Variants in CSMD2 observed in about 807,000 individuals in gnomAD.
CSMD2 encodes the protein CUB and sushi domain-containing protein 2.
Under a neutral mutation model 398.5 loss-of-function variants are expected in CSMD2, and 130 were observed. The observed-to-expected ratio is 0.33, with a 90% CI of 0.28 to 0.38. The LOEUF (loss-of-function observed/expected upper bound fraction) is 0.38. CSMD2 is among the 10% of genes least tolerant of loss of function. CSMD2 has a pLI of 1.00. For synonymous variants in CSMD2, 1,828 were observed against 1,908.5 expected, an observed-to-expected ratio of 0.96 and a Z score of 1.10; for missense variants, 3,829 against 4,764.9, an observed-to-expected ratio of 0.80 and a Z score of 5.78.
In CSMD2 at chr1:33,643,206, A is replaced by G. The variant is rs540935328; in HGVS notation, c.4774+3442T>C. On this transcript the variant is annotated intron_variant, in intron 29 of 70. Coordinates refer to ENST00000373381, the MANE Select transcript of CSMD2 (RefSeq NM_001281956.2). ...TCCTCAGTGGGCTGCCTCTCCATCT[A>G]TGGTTCTCTCCAGACTTACAGGGTG... Among the ~76,000 whole-genome samples, 173 of 152,278 alleles carry G rather than the reference A, an allele frequency of 1.1e-3. 2 individuals are homozygous for G. Among genetic ancestry groups the G allele is most frequent in the East Asian group, 3.9e-4 (2 of 5,180 alleles).
rs181365256 is a variant in CSMD2, at chr1:33,939,463, A to G, written c.518-3509T>C. 1.3e-3 allele frequency among the ~76,000 whole-genome samples: 199 copies of G among 152,328 alleles called. 2 individuals carry two copies. The highest frequency in any genetic ancestry group is 3.1e-4 in the Non-Finnish European group (21 of 68,016). On this transcript the variant is annotated intron_variant, in intron 3 of 70. Transcript: ENST00000373381. Reference sequence around the variant, plus strand: ...AAGCTAAGGTGAGGGGAGGGAGCCAACTAGGGGAAATGAGCTGAGAACTGG... The same window carrying G: ...AAGCTAAGGTGAGGGGAGGGAGCCAGCTAGGGGAAATGAGCTGAGAACTGG...
At chr1:33,670,871 G>A (rs182257905) in intron 25 of CSMD2, among the ~76,000 whole-genome samples, 1 of 152,348 alleles carries the variant, frequency 6.6e-6, no homozygotes, top group African/African-American at 2.4e-5. Flanking sequence ...CTTAGGCCAA[G>A]GGTATGAGAC....
intron 12 of CSMD2, 42 bp from the exon 13 acceptor site, chr1:33,772,793 T>A: frequency 1.3e-6 from 2 of 1,553,158 alleles, no homozygotes; most frequent in Non-Finnish European, 1.8e-6. Context: ...AAAAGGTGAC[T>A]TTATACCTCT....
chr1:33,777,416 T>A (rs1465003911), intron 12 of CSMD2, among the ~76,000 whole-genome samples: 1 of 152,110 alleles, frequency 6.6e-6, no homozygotes, highest in Non-Finnish European at 1.5e-5. Context: ...AAGCCTTCTC[T>A]CCAAGCTCAG....
intron 20 of CSMD2, among the ~76,000 whole-genome samples, chr1:33,715,259 T>A (rs992862926): frequency 6.6e-6 from 1 of 152,070 alleles, no homozygotes; most frequent in Non-Finnish European, 1.5e-5. Context: ...AAGGTCAGAA[T>A]ACATGACTTA....
intron 10 of CSMD2, among the ~76,000 whole-genome samples, chr1:33,803,238 C>T (rs1453882890): frequency 6.6e-6 from 1 of 152,178 alleles, no homozygotes; most frequent in Non-Finnish European, 1.5e-5. Context: ...ATTCTCAGAT[C>T]CATTCTGAAT....
rs114060900 is a variant in CSMD2 at position 34,127,105 on chromosome 1, C to T, written c.187+37806G>A. The stretch of plus-strand genomic sequence containing the variant: ...GAACAGAGAGACCAGATAGGGATAG[C>T]GGAAGGCAACGAGGGCATGACCCAG... On this transcript the variant is annotated intron_variant, in intron 1 of 70. Transcript: ENST00000373381. 9.9e-3 allele frequency among the ~76,000 whole-genome samples: 1,500 copies of T among 152,054 alleles called. 24 individuals carry two copies. The highest frequency in any genetic ancestry group is 0.035 in the African/African-American group (1,441 of 41,430).
chr1:33,720,412 G>T (rs1182877376), intron 19 of CSMD2, among the ~76,000 whole-genome samples: 2 of 152,168 alleles, frequency 1.3e-5, no homozygotes, highest in Non-Finnish European at 2.9e-5. Context: ...TGCAGAGCTG[G>T]GGAGAGGGGG....
intron 3 of CSMD2, among the ~76,000 whole-genome samples, chr1:33,970,839 G>T (rs1645734966): frequency 6.6e-6 from 1 of 152,214 alleles, no homozygotes; most frequent in Non-Finnish European, 1.5e-5. Context: ...CCAATTCTGT[G>T]TAACCCCTGA....
chr1:33,566,100 GA>G lies in CSMD2; in HGVS notation c.8380+1492del, dbSNP rs150093800. Among the ~76,000 whole-genome samples, 178 of 144,010 alleles carry G rather than the reference GA, an allele frequency of 1.2e-3. 4 individuals carry two copies. Among genetic ancestry groups the G allele is most frequent in the African/African-American group, 4.3e-3 (170 of 39,564 alleles). The allele number at this position is 144,010 out of a possible 152,430, so 94.5% of individuals were successfully genotyped here. ...ACACATAATCAGAGCTGATGAAGAA[GA>G]AAAAAAAAACAGTGGGAAACAAAGC... On this transcript the variant is annotated intron_variant, in intron 53 of 70. Transcript: ENST00000373381.
intron 15 of CSMD2, among the ~76,000 whole-genome samples, chr1:33,734,205 A>C (rs1410966676): frequency 6.6e-6 from 1 of 152,166 alleles, no homozygotes; most frequent in Admixed American, 6.5e-5. Context: ...TTTAAAAGTA[A>C]CACATTTGGT....
chr1:33,982,767 A>G (rs1268948877), intron 3 of CSMD2, among the ~76,000 whole-genome samples: 3 of 152,162 alleles, frequency 2.0e-5, no homozygotes, highest in Non-Finnish European at 4.4e-5. Flanking sequence ...AAGGCGCTGG[A>G]TCTACTGTGG....
At chr1:33,800,452 C>T (rs1037113113) in intron 10 of CSMD2, among the ~76,000 whole-genome samples, 1 of 152,182 alleles carries the variant, frequency 6.6e-6, no homozygotes, top group Admixed American at 6.5e-5. Context: ...AGCCCTTGGA[C>T]TCATTCACTT....
intron 6 of CSMD2, among the ~76,000 whole-genome samples, chr1:33,830,495 C>A (rs4442339): frequency 0.78 from 118,525 of 151,326 alleles, 47,236 homozygotes; most frequent in East Asian, 0.94. Context: ...GACATCCACA[C>A]CAAAAACCTA....
rs1532308 is a variant in CSMD2 at position 33,540,580 on chromosome 1, C to T, written c.9576G>A (p.Ala3192=). The change falls in exon 60 of 71, where the codon GCG becomes GCA. Residue 3192 remains alanine, a synonymous_variant. Coordinates refer to ENST00000373381, the MANE Select transcript of CSMD2 (RefSeq NM_001281956.2). ...CLEGYQLSLP[A]VFTCEGNGSW... is the part of the protein sequence containing the mutation. ...ACCCATTTCCCTCACAGGTGAACAC[C>T]GCGGGCAGGGAGAGCTGGTACCCCT... 2,333 of 1,614,178 alleles carry T rather than the reference C, an allele frequency of 1.4e-3. 25 individuals carry two copies. In the African/African-American group the frequency reaches 0.024, roughly 17 times the overall value.
intron 25 of CSMD2, among the ~76,000 whole-genome samples, chr1:33,688,567 G>A (rs1489848591): frequency 6.6e-6 from 1 of 152,164 alleles, no homozygotes; most frequent in Non-Finnish European, 1.5e-5. Context: ...GCTCACACCT[G>A]TAATCCCAGC....
chr1:34,061,536 A>G (rs1450138112), intron 2 of CSMD2, among the ~76,000 whole-genome samples: 3 of 136,490 alleles, frequency 2.2e-5, no homozygotes, highest in Non-Finnish European at 4.7e-5. Context: ...TACCTGACTC[A>G]TGGGCTCAAA....
intron 62 of CSMD2, among the ~76,000 whole-genome samples, chr1:33,536,017 A>G (rs1383236332): frequency 1.3e-5 from 2 of 152,200 alleles, no homozygotes; most frequent in Admixed American, 1.3e-4. Flanking sequence ...ACAGGCACCC[A>G]GTCTGTCCTG....
At chr1:33,706,801 C>T (rs575978) in intron 22 of CSMD2, among the ~76,000 whole-genome samples, 86,945 of 151,192 alleles carry the variant, frequency 0.58, 26,446 homozygotes, top group African/African-American at 0.78. Context: ...TGTGTGTGTG[C>T]GCGTGCATGT....
Sources: gnomAD v4.1 joint callset for allele counts (sites outside exome capture counted in the v4.1 genomes callset) on GRCh38, gnomAD v4.1.1 for gene constraint, MANE v1.5 for transcripts, NCBI Gene and HGNC (gene_info 2026-07-23, HGNC 2026-07-21) for gene names.